The following ETF1 variants were observed in gnomAD, a reference collection of about 807,000 sequenced individuals.
ETF1 encodes the protein eukaryotic peptide chain release factor subunit 1.
ETF1 carries 4 observed loss-of-function variants against 55.1 expected under a neutral mutation model. The ratio of observed to expected loss-of-function variants is 0.07; its 90% CI spans 0.04 to 0.17. ETF1 has a LOEUF of 0.17. Among genes scored for constraint, ETF1 ranks in the 10% least tolerant of loss-of-function variants. The pLI, the probability that ETF1 is intolerant of heterozygous loss-of-function variation, is 1.00. For missense variants in ETF1, 142 were observed against 523.6 expected (o/e 0.27, Z 7.11); for synonymous variants, 157 against 182.3 (o/e 0.86, Z 1.12).
At chr5:138,526,912 G>A (rs1765496397) in intron 2 of ETF1, among the ~76,000 whole-genome samples, 3 of 152,168 alleles carry the variant, frequency 2.0e-5, no homozygotes, top group Non-Finnish European at 4.4e-5. Context: ...ATGTTAGCCA[G>A]GATGTTCTCG....
At chr5:138,517,307 C>T (rs889751537) in intron 4 of ETF1, among the ~76,000 whole-genome samples, 5 of 151,434 alleles carry the variant, frequency 3.3e-5, no homozygotes, top group Non-Finnish European at 7.4e-5. Flanking sequence ...GGAGGCGGAG[C>T]TTGCAGTGAG....
intron 2 of ETF1, chr5:138,541,764 TTG>T (rs754023979): frequency 2.7e-4 from 53 of 197,136 alleles, no homozygotes; most frequent in Middle Eastern, 2.2e-3. Context: ...ACACTTTTTT[TTG>T]GGGGGGGGGG....
intron 9 of ETF1, chr5:138,509,184 G>A: frequency 1.0e-6 from 1 of 985,206 alleles, no homozygotes; most frequent in Non-Finnish European, 1.2e-6. Context: ...TTTTGGGAGT[G>A]GCCTCGTAGA....
At chr5:138,528,544 T>C (rs762432481) in intron 2 of ETF1, among the ~76,000 whole-genome samples, 1 of 152,190 alleles carries the variant, frequency 6.6e-6, no homozygotes, top group South Asian at 2.1e-4. Context: ...GGCTCAAAAG[T>C]GTAGCTTGCC....
intron 2 of ETF1, among the ~76,000 whole-genome samples, chr5:138,532,744 G>C (rs547429928): frequency 2.6e-5 from 4 of 152,260 alleles, no homozygotes; most frequent in Admixed American, 2.0e-4. Flanking sequence ...AATATGGCCA[G>C]AACACTGGAA....
intron 6 of ETF1, among the ~76,000 whole-genome samples, chr5:138,512,226 AT>A (rs1227987710): frequency 0.035 from 1,109 of 32,138 alleles, 39 homozygotes; most frequent in Middle Eastern, 0.067. Context: ...AAAAAAAAAA[AT>A]ATATATATAT....
At chr5:138,519,587 C>T (rs989323394) in intron 2 of ETF1, among the ~76,000 whole-genome samples, 1 of 151,012 alleles carries the variant, frequency 6.6e-6, no homozygotes, top group African/African-American at 2.4e-5. Flanking sequence ...CACTTGAATC[C>T]GGGAGGCGGA....
At chr5:138,538,312 C>A (rs998451058) in intron 2 of ETF1, among the ~76,000 whole-genome samples, 1 of 152,090 alleles carries the variant, frequency 6.6e-6, no homozygotes, top group Non-Finnish European at 1.5e-5. Flanking sequence ...GCCTCAGCCT[C>A]CCGAGTAGCT....
Position 138,531,673 on chromosome 5 carries a change from C to T in ETF1, c.86+11160G>A, listed in dbSNP as rs565906449. 2.0e-5 allele frequency among the ~76,000 whole-genome samples: 3 copies of T among 152,338 alleles called. No homozygotes were observed. The South Asian group carries it at 6.2e-4, about 32-fold the overall frequency. On this transcript the variant is annotated intron_variant, in intron 2 of 10. Transcript: ENST00000360541. ...CCAGGGTTTGATGGCTGGGTTGTGCCTAGGCTATGGATGGCCAAATTTTTC... is the reference window on the plus strand; with the variant it reads ...CCAGGGTTTGATGGCTGGGTTGTGCTTAGGCTATGGATGGCCAAATTTTTC...
At chr5:138,521,147 G>C (rs6885518) in intron 2 of ETF1, among the ~76,000 whole-genome samples, 155 of 152,268 alleles carry the variant, frequency 1.0e-3, no homozygotes, top group African/African-American at 3.6e-3. Flanking sequence ...ATATTATTCA[G>C]TCTTAAAGGA....
chr5:138,509,894 C>CAAAA (rs34092773), intron 9 of ETF1, among the ~76,000 whole-genome samples: 11 of 66,438 alleles, frequency 1.7e-4, no homozygotes, highest in African/African-American at 2.4e-4. Context: ...AACTCCACCT[C>CAAAA]AAAAAAAAAA....
At chr5:138,540,051 G>C (rs1766109706) in intron 2 of ETF1, among the ~76,000 whole-genome samples, 1 of 152,126 alleles carries the variant, frequency 6.6e-6, no homozygotes, top group South Asian at 2.1e-4. Context: ...GATGTAGTTA[G>C]TGAGCCCATT....
In ETF1 at chr5:138,537,898, T is replaced by A. The variant is rs11242431; in HGVS notation, c.86+4935A>T. ...CCAGGCCCCTATTATTATTATTATTTTTTTTTTTTCTGAGACTGAGTTTTG... is the reference window on the plus strand; with the variant it reads ...CCAGGCCCCTATTATTATTATTATTATTTTTTTTTCTGAGACTGAGTTTTG... On this transcript the variant is annotated intron_variant, in intron 2 of 10. Coordinates refer to ENST00000360541, the MANE Select transcript of ETF1 (RefSeq NM_004730.4). Among the ~76,000 whole-genome samples the A allele has an allele frequency of 9.6e-3, 1,380 of 144,386 alleles. 24 individuals are homozygous for A. Among genetic ancestry groups the A allele is most frequent in the African/African-American group, 0.023 (903 of 38,932 alleles). The allele number at this position is 144,386 out of a possible 152,430, so 94.7% of individuals were successfully genotyped here. A position where few individuals can be genotyped will look rare whatever the true frequency, so the allele number is the denominator to read the frequency against.
chr5:138,536,505 G>A lies in ETF1; in HGVS notation c.86+6328C>T, dbSNP rs754617781. ...TCAGACTCTCAATTTCTAACCTGCCGGGGAAAAAAAGCCTGAACCTTCCTA... is the reference window on the plus strand; with the variant it reads ...TCAGACTCTCAATTTCTAACCTGCCAGGGAAAAAAAGCCTGAACCTTCCTA... On this transcript the variant is annotated intron_variant, in intron 2 of 10. Coordinates refer to ENST00000360541, the MANE Select transcript of ETF1 (RefSeq NM_004730.4). 2.0e-4 allele frequency among the ~76,000 whole-genome samples: 31 copies of A among 152,198 alleles called. 1 individual carries two copies. The Middle Eastern group carries it at 0.01, about 50-fold the overall frequency.
intron 2 of ETF1, among the ~76,000 whole-genome samples, chr5:138,523,343 G>A (rs992688936): frequency 4.0e-5 from 6 of 150,646 alleles, no homozygotes; most frequent in African/African-American, 1.5e-4. Context: ...CTGCAGCCTG[G>A]ATGACAGAGC....
At position 138,508,061 on chromosome 5, in the gene ETF1, A is replaced by G. The variant is rs1230893632; in HGVS notation, c.*244T>C. ...AAGTAAAAACTGGGATTCTTTTTTA[A>G]ATTAGTCCAAAGTGGCGTTTAGGAA... On this transcript the variant is annotated 3_prime_UTR_variant, in exon 11 of 11. Coordinates refer to ENST00000360541, the MANE Select transcript of ETF1 (RefSeq NM_004730.4). 1.0e-5 allele frequency: 4 copies of G among 399,518 alleles called. No individual in the cohort carries two copies. Among genetic ancestry groups the G allele is most frequent in the African/African-American group, 8.2e-5 (4 of 48,662 alleles). 24.7% of individuals were successfully genotyped at this position (399,518 alleles called of 1,614,324 possible). A position where few individuals can be genotyped will look rare whatever the true frequency, so the allele number is the denominator to read the frequency against.
intron 2 of ETF1, 44 bp from the exon 3 acceptor site, chr5:138,518,911 A>C: frequency 1.9e-6 from 3 of 1,600,174 alleles, no homozygotes; most frequent in Non-Finnish European, 2.6e-6. Flanking sequence ...AATATCATGT[A>C]AGTAAACTCA....
At chr5:138,534,583 T>G (rs1220552870) in intron 2 of ETF1, among the ~76,000 whole-genome samples, 2 of 152,220 alleles carry the variant, frequency 1.3e-5, no homozygotes, top group Non-Finnish European at 2.9e-5. Context: ...AGGGTGGAAA[T>G]AGCATGTCTG....
At chr5:138,509,542 A>G (rs1243319193) in intron 9 of ETF1, among the ~76,000 whole-genome samples, 2 of 152,090 alleles carry the variant, frequency 1.3e-5, no homozygotes, top group Non-Finnish European at 1.5e-5. Flanking sequence ...TAGGAGGATC[A>G]CTTGGGCCCA....
Sources: allele counts gnomAD v4.1 joint callset (sites outside exome capture counted in the v4.1 genomes callset), GRCh38; gene constraint gnomAD v4.1.1; transcripts MANE v1.5; gene names NCBI Gene and HGNC (gene_info 2026-07-23, HGNC 2026-07-21).